Variants in STXBP5L observed in about 807,000 individuals in gnomAD.
STXBP5L encodes syntaxin binding protein 5L, also known as syntaxin-binding protein 5-like.
Under a neutral mutation model 144.5 loss-of-function variants are expected in STXBP5L, and 65 were observed. The observed-to-expected ratio is 0.45, with a 90% confidence interval of 0.37 to 0.55. The LOEUF (loss-of-function observed/expected upper bound fraction) is 0.55, where lower values mean the gene tolerates loss of function less well. Among genes scored for constraint, STXBP5L ranks in the 20% least tolerant of loss-of-function variants. The pLI, the probability that STXBP5L is intolerant of heterozygous loss-of-function variation, is 0.00. For missense variants in STXBP5L, 1,298 were observed against 1,405.5 expected (o/e 0.92, Z 1.22); for synonymous variants, 505 against 469.6 (o/e 1.08, Z -0.97).
At chr3:121,187,786 T>C (rs2047459408) in intron 9 of STXBP5L, among the ~76,000 whole-genome samples, 1 of 151,698 alleles carries the variant, frequency 6.6e-6, no homozygotes, top group African/African-American at 2.4e-5. Flanking sequence ...TGTTCAGTAT[T>C]CAGGAGACCC....
chr3:121,011,123 A>T (rs1374811001), intron 3 of STXBP5L, among the ~76,000 whole-genome samples: 1 of 150,346 alleles, frequency 6.7e-6, no homozygotes, highest in African/African-American at 2.4e-5. Context: ...TCGCCGAGGT[A>T]GTTACAGCAT....
chr3:121,211,652 C>T (rs1332949222), intron 10 of STXBP5L, among the ~76,000 whole-genome samples: 3 of 143,750 alleles, frequency 2.1e-5, no homozygotes, highest in Non-Finnish European at 4.5e-5. Context: ...GATCTCAGCA[C>T]ACTGCAACCT....
At chr3:121,256,723 C>T (rs2050217639) in intron 16 of STXBP5L, among the ~76,000 whole-genome samples, 1 of 151,804 alleles carries the variant, frequency 6.6e-6, no homozygotes. Context: ...ACTACACACA[C>T]ATATACACGT....
intron 20 of STXBP5L, among the ~76,000 whole-genome samples, chr3:121,348,461 G>A (rs1423833247): frequency 1.3e-5 from 2 of 152,094 alleles, no homozygotes; most frequent in East Asian, 3.8e-4. Context: ...TCAGGATGAT[G>A]CTGGCCTCAT....
chr3:120,910,919 TC>T (rs1708801792), intron 2 of STXBP5L, among the ~76,000 whole-genome samples: 1 of 152,130 alleles, frequency 6.6e-6, no homozygotes, highest in Admixed American at 6.5e-5. Flanking sequence ...ATTTTTTTCC[TC>T]AATAGGAAAT....
intron 9 of STXBP5L, among the ~76,000 whole-genome samples, chr3:121,176,321 T>C (rs2046930844): frequency 6.6e-6 from 1 of 151,598 alleles, no homozygotes. Flanking sequence ...TAAGCAAGGC[T>C]TACTTAAAAC....
intron 5 of STXBP5L, among the ~76,000 whole-genome samples, chr3:121,083,221 A>G (rs967134032): frequency 2.0e-5 from 3 of 152,116 alleles, no homozygotes; most frequent in Admixed American, 2.0e-4. Flanking sequence ...AAAAAACAAA[A>G]AAAATCACTT....
At chr3:121,202,953 T>A (rs112464867) in intron 9 of STXBP5L, among the ~76,000 whole-genome samples, 3 of 152,114 alleles carry the variant, frequency 2.0e-5, no homozygotes, top group Non-Finnish European at 2.9e-5. Context: ...ACCATTATTT[T>A]AAAAAATGTT....
intron 3 of STXBP5L, among the ~76,000 whole-genome samples, chr3:120,963,395 T>C (rs1939115450): frequency 1.3e-5 from 2 of 152,162 alleles, no homozygotes; most frequent in South Asian, 2.1e-4. Flanking sequence ...CCATTCAGTA[T>C]GATATTGGCA....
intron 22 of STXBP5L, among the ~76,000 whole-genome samples, chr3:121,385,481 C>T (rs1418340073): frequency 6.6e-6 from 1 of 152,140 alleles, no homozygotes; most frequent in Admixed American, 6.6e-5. Context: ...TCCCATTAGG[C>T]CCTACCTCCA....
intron 16 of STXBP5L, 78 bp from the exon 17 acceptor site, chr3:121,257,083 A>G (rs1172426078): frequency 8.8e-7 from 1 of 1,138,998 alleles, no homozygotes; most frequent in Non-Finnish European, 1.2e-6. Context: ...TAATGTGATT[A>G]TTTATTATGA....
At chr3:121,129,080 GAATA>G (rs2044852052) in intron 7 of STXBP5L, among the ~76,000 whole-genome samples, 1 of 151,980 alleles carries the variant, frequency 6.6e-6, no homozygotes, top group Non-Finnish European at 1.5e-5. Flanking sequence ...GAGACATATG[GAATA>G]AATACCCAGT....
chr3:120,978,872 C>G (rs1018957865), intron 3 of STXBP5L, among the ~76,000 whole-genome samples: 2 of 152,138 alleles, frequency 1.3e-5, no homozygotes, highest in African/African-American at 2.4e-5. Flanking sequence ...TTTCGTGAAC[C>G]GCGAATGCTG....
At chr3:121,405,312 T>G (rs1016235208) in intron 22 of STXBP5L, among the ~76,000 whole-genome samples, 2 of 152,132 alleles carry the variant, frequency 1.3e-5, no homozygotes, top group Non-Finnish European at 2.9e-5. Flanking sequence ...TTTTCTGCTT[T>G]TTTTCCTTAG....
At chr3:121,190,907 A>T (rs141057925) in intron 9 of STXBP5L, among the ~76,000 whole-genome samples, 1 of 150,520 alleles carries the variant, frequency 6.6e-6, no homozygotes, top group Non-Finnish European at 1.5e-5. Flanking sequence ...AGACGGGGTC[A>T]CGGCCGGGCA....
chr3:121,323,129 C>T (rs1228028512), intron 20 of STXBP5L, among the ~76,000 whole-genome samples: 1 of 152,144 alleles, frequency 6.6e-6, no homozygotes, highest in Non-Finnish European at 1.5e-5. Context: ...AATATTTTCT[C>T]CCATTCTGTA....
intron 19 of STXBP5L, among the ~76,000 whole-genome samples, chr3:121,298,908 G>C (rs1024812722): frequency 1.3e-5 from 2 of 152,178 alleles, no homozygotes; most frequent in African/African-American, 4.8e-5. Context: ...TAGATTTCAT[G>C]TTGTGTGTTT....
chr3:121,202,448 T>C (rs577144560), intron 9 of STXBP5L, among the ~76,000 whole-genome samples: 82 of 152,308 alleles, frequency 5.4e-4, no homozygotes, highest in African/African-American at 1.9e-3. Context: ...GGAGAATACA[T>C]ATGCAATTAT....
chr3:121,419,183 C>A lies in STXBP5L; in HGVS notation c.*86C>A. 7.9e-7 allele frequency: 1 copy of A among 1,260,746 alleles called. No homozygotes were observed. Among genetic ancestry groups the A allele is most frequent in the Non-Finnish European group, 1.1e-6 (1 of 898,910 alleles). 78.1% of individuals were successfully genotyped at this position (1,260,746 alleles called of 1,614,324 possible). A position where few individuals can be genotyped will look rare whatever the true frequency, so the allele number is the denominator to read the frequency against. The stretch of plus-strand genomic sequence containing the variant: ...AGCATCACTACTCAACTGCTAGAAG[C>A]CAGTTTCTTCTACAAAATGTTCCAT... On this transcript the variant is annotated 3_prime_UTR_variant, in exon 27 of 27. Coordinates refer to ENST00000471454, the MANE Select transcript of STXBP5L (RefSeq NM_001308330.2).
Sources: allele counts gnomAD v4.1 joint callset (sites outside exome capture counted in the v4.1 genomes callset), GRCh38; gene constraint gnomAD v4.1.1; transcripts MANE v1.5; gene names NCBI Gene and HGNC (gene_info 2026-07-23, HGNC 2026-07-21).